JUP: variants seen among roughly 807,000 people sequenced by gnomAD.
JUP encodes catenin (cadherin-associated protein), gamma 80kDa.
A neutral mutation model predicts 71.1 loss-of-function variants in JUP; 28 were observed. The ratio of observed to expected loss-of-function variants is 0.39; its 90% CI spans 0.29 to 0.54. The LOEUF is 0.54. Ranked by LOEUF, JUP falls within the 20% of genes least tolerant of loss-of-function variation. The pLI, the probability that JUP is intolerant of heterozygous loss-of-function variation, is 0.62. For synonymous variants in JUP, 401 were observed against 438.9 expected (o/e 0.91, Z 1.08); for missense variants, 869 against 1,030.1 (o/e 0.84, Z 2.14).
In JUP at chr17:41,755,591, G is replaced by T; in HGVS notation, c.*153C>A. The T allele has an allele frequency of 1.4e-6, 1 of 714,296 alleles. No homozygotes were observed. Among genetic ancestry groups the T allele is most frequent in the Non-Finnish European group, 2.2e-6 (1 of 460,546 alleles). 44.2% of individuals were successfully genotyped at this position (714,296 alleles called of 1,614,324 possible). Reference sequence around the variant, plus strand: ...AAAGACACAAGAAGAAGGCAGGCCAGGGCACACCGTGCTTGGGGAAGCTCA... The same window carrying T: ...AAAGACACAAGAAGAAGGCAGGCCATGGCACACCGTGCTTGGGGAAGCTCA... On this transcript the variant is annotated 3_prime_UTR_variant, in exon 14 of 14. Transcript: ENST00000393931.
At chr17:41,756,608 T>TA (rs1555598081) in intron 12 of JUP, among the ~76,000 whole-genome samples, 2 of 123,204 alleles carry the variant, frequency 1.6e-5, no homozygotes, top group East Asian at 2.5e-4. Flanking sequence ...TCGAAAAAAA[T>TA]AAAAAATAGG....
At chr17:41,763,790 C>A (rs984284242) in intron 7 of JUP, among the ~76,000 whole-genome samples, 4 of 152,150 alleles carry the variant, frequency 2.6e-5, no homozygotes, top group African/African-American at 7.2e-5. Context: ...GCTGCCCCAC[C>A]ACCCTGGGGC....
At position 41,754,726 on chromosome 17, in the gene JUP, G is replaced by A. The variant is rs1913404621; in HGVS notation, c.*1018C>T. The A allele has an allele frequency of 6.5e-6, 1 of 152,866 alleles. No individual in the cohort carries two copies. The highest frequency in any genetic ancestry group is 2.4e-5 in the African/African-American group (1 of 41,454). 9.5% of individuals were successfully genotyped at this position (152,866 alleles called of 1,614,324 possible). ...GACCTCCCCCAGCCCCCCACACCAT[G>A]TGCGGGAAATGGGGGGGTCTGAAAC... is the stretch of plus-strand genomic sequence containing the variant. On this transcript the variant is annotated 3_prime_UTR_variant, in exon 14 of 14. Transcript: ENST00000393931.
At chr17:41,756,264 C>T (rs377537207) in intron 12 of JUP, 50 bp from the exon 13 acceptor site, 212 of 1,573,366 alleles carry the variant, frequency 1.3e-4, no homozygotes, top group East Asian at 2.7e-4. Flanking sequence ...ATGCAGGCTC[C>T]GAGCTGGATC....
chr17:41,775,120 A>AG (rs2046820466), intron 1 of JUP, among the ~76,000 whole-genome samples: 1 of 151,670 alleles, frequency 6.6e-6, no homozygotes, highest in African/African-American at 2.4e-5. Flanking sequence ...AAAAAAAAAA[A>AG]GAGTCCCAGG....
chr17:41,758,277 T>A, intron 10 of JUP, 122 bp downstream of exon 10: 1 of 1,331,382 alleles, frequency 7.5e-7, no homozygotes, highest in Non-Finnish European at 1.1e-6. Context: ...GTGGCAACTT[T>A]CCTCCAAACT....
Position 41,772,918 on chromosome 17 carries a change from G to A in JUP, c.-8-1056C>T, listed in dbSNP as rs535104711. On this transcript the variant is annotated intron_variant, in intron 1 of 13. Transcript: ENST00000393931. ...ACTGTCCTGGGAACTGACCTGCAGA[G>A]GTCAGAGGCTGCGGGGAGAATGGAC... 5.9e-5 allele frequency: 58 copies of A among 985,494 alleles called. No homozygotes were observed. In the African/African-American group the frequency reaches 9.9e-4, roughly 17 times the overall value. The allele number at this position is 985,494 out of a possible 1,614,324, so 61.0% of individuals were successfully genotyped here.
intron 8 of JUP, among the ~76,000 whole-genome samples, chr17:41,760,843 G>A (rs1244248401): frequency 2.0e-5 from 3 of 152,178 alleles, no homozygotes; most frequent in African/African-American, 7.2e-5. Flanking sequence ...TTACAGGCGT[G>A]AGCCACTGCG....
At chr17:41,773,457 CAG>C (rs1234795406) in intron 1 of JUP, among the ~76,000 whole-genome samples, 1 of 152,238 alleles carries the variant, frequency 6.6e-6, no homozygotes. Flanking sequence ...CCTAGTGACT[CAG>C]AGTTTCAGGC....
At position 41,769,655 on chromosome 17, in the gene JUP, G is replaced by A; in HGVS notation, c.231C>T (p.Ser77=). The A allele has an allele frequency of 6.2e-7, 1 of 1,608,618 alleles. No homozygotes were observed. The highest frequency in any genetic ancestry group is 8.5e-7 in the Non-Finnish European group (1 of 1,178,328). ...PSQGDLEYQM[S]TTARAKRVRE... ...GCACCCGTTTGGCCCTGGCTGTTGTGGACATCTGGTACTCCAGATCACCTG... is the reference window on the plus strand; with the variant it reads ...GCACCCGTTTGGCCCTGGCTGTTGTAGACATCTGGTACTCCAGATCACCTG... The change falls in exon 3 of 14, where the codon TCC becomes TCT. Residue 77 remains serine (S), a synonymous_variant. Coordinates refer to ENST00000393931, the MANE Select transcript of JUP (RefSeq NM_002230.4).
rs1418669939 is a variant in JUP, at chr17:41,779,849, T to TA, written c.-9+6738dup. On this transcript the variant is annotated intron_variant, in intron 1 of 13. Transcript: ENST00000393931. ...CTTGGCTAATTTTTTTTTTTTTTTT[T>TA]AAGAGATGGGGTCTTGCTATGTTGC... 1.4e-4 allele frequency among the ~76,000 whole-genome samples: 21 copies of TA among 150,036 alleles called. 1 individual carries two copies. In the East Asian group the frequency reaches 2.7e-3, roughly 20 times the overall value.
chr17:41,781,498 T>C (rs183908445), intron 1 of JUP, among the ~76,000 whole-genome samples: 1 of 152,318 alleles, frequency 6.6e-6, no homozygotes, highest in Non-Finnish European at 1.5e-5. Flanking sequence ...AGGAAGTCGC[T>C]TCACAATAAG....
At chr17:41,762,204 T>C (rs1362931300) in intron 8 of JUP, among the ~76,000 whole-genome samples, 1 of 138,560 alleles carries the variant, frequency 7.2e-6, no homozygotes, top group Non-Finnish European at 1.6e-5. Context: ...TGTGTGTGTG[T>C]GTTTTAGATT....
At chr17:41,770,699 G>A (rs1248639710) in intron 2 of JUP, among the ~76,000 whole-genome samples, 1 of 152,240 alleles carries the variant, frequency 6.6e-6, no homozygotes, top group African/African-American at 2.4e-5. Context: ...CTAGGGCCTG[G>A]CTATTCCTCT....
In JUP at chr17:41,757,636, G is replaced by C. The variant is rs1555598821; in HGVS notation, c.1922C>G (p.Thr641Ser). 1.2e-6 allele frequency: 2 copies of C among 1,613,732 alleles called. No homozygotes were observed. The highest frequency in any genetic ancestry group is 2.7e-5 in the African/African-American group (2 of 74,920). Residue 641 changes from threonine (T) to serine (S), a missense_variant and splice_region_variant, in exon 11 of 14, where the codon ACT becomes AGT. Physicochemically the swap from Thr to Ser is moderately conservative, Grantham distance 58. Transcript: ENST00000393931. Reference protein sequence around the residue: ...MELLHSRNEGTATYAAAVLFR... With the variant: ...MELLHSRNEGSATYAAAVLFR... ...CCTCCTGCCCTCCCCCAGCTCACCA[G>C]TGCCCTCGTTGCGGGAGTGCAGCAA...
intron 1 of JUP, among the ~76,000 whole-genome samples, chr17:41,781,047 G>A (rs1464649629): frequency 6.6e-6 from 1 of 152,124 alleles, no homozygotes; most frequent in Non-Finnish European, 1.5e-5. Context: ...CAGGCGTGGT[G>A]GCGGGCGCCT....
intron 5 of JUP, among the ~76,000 whole-genome samples, chr17:41,766,653 G>A (rs1236638788): frequency 5.9e-5 from 9 of 152,086 alleles, no homozygotes; most frequent in African/African-American, 1.7e-4. Context: ...TCAAGAGTTC[G>A]AGACCAGCCT....
Position 41,769,222 on chromosome 17 carries a change from C to T in JUP, c.469-15G>A. 1 of 1,598,152 alleles carries T rather than the reference C, an allele frequency of 6.3e-7. No homozygotes were observed. Among genetic ancestry groups the T allele is most frequent in the Non-Finnish European group, 8.5e-7 (1 of 1,178,630 alleles). On this transcript the variant is annotated splice_polypyrimidine_tract_variant and intron_variant, in intron 3 of 13. Transcript: ENST00000393931. ...GTCACCACCACCTGGAGGGCAAAGG[C>T]AGGGGCGGGGACGTGAGCACTAAGG...
At chr17:41,776,531 C>G (rs2046894044) in intron 1 of JUP, among the ~76,000 whole-genome samples, 1 of 152,118 alleles carries the variant, frequency 6.6e-6, no homozygotes, top group African/African-American at 2.4e-5. Flanking sequence ...GCCTGGGCAA[C>G]ATAGTAAGAC....
Sources: gnomAD v4.1 joint callset for allele counts (sites outside exome capture counted in the v4.1 genomes callset) on GRCh38, gnomAD v4.1.1 for gene constraint, MANE v1.5 for transcripts, NCBI Gene and HGNC (gene_info 2026-07-23, HGNC 2026-07-21) for gene names.